TIAM2: variants seen among roughly 807,000 people sequenced by gnomAD.
The protein encoded by TIAM2 is rho guanine nucleotide exchange factor TIAM2.
Under a neutral mutation model 152.9 loss-of-function variants are expected in TIAM2, and 80 were observed. The observed-to-expected ratio is 0.52, with a 90% confidence interval of 0.44 to 0.63. The LOEUF is 0.63. TIAM2 is among the 30% of genes least tolerant of loss of function. TIAM2 has a pLI of 0.00. For missense variants in TIAM2, 1,965 were observed against 2,120.1 expected, an observed-to-expected ratio of 0.93 and a Z score of 1.44; for synonymous variants, 804 against 838.0, an observed-to-expected ratio of 0.96 and a Z score of 0.70.
chr6:155,248,264 C>A (rs1473445387), intron 20 of TIAM2, 85 bp downstream of exon 20: 6 of 1,450,346 alleles, frequency 4.1e-6, no homozygotes, highest in Non-Finnish European at 5.5e-6. Context: ...GACAGCTCAC[C>A]TCTTCCCCGC....
intron 1 of TIAM2, among the ~76,000 whole-genome samples, chr6:155,078,255 A>G (rs989281617): frequency 3.3e-5 from 5 of 152,044 alleles, no homozygotes; most frequent in African/African-American, 1.2e-4. Context: ...CATGTTGCTC[A>G]GGCTGGTCAT....
intron 19 of TIAM2, among the ~76,000 whole-genome samples, chr6:155,247,618 G>A (rs1294995608): frequency 2.0e-5 from 3 of 152,246 alleles, no homozygotes; most frequent in Non-Finnish European, 2.9e-5. Flanking sequence ...GTGAGCCACC[G>A]CACCTGGCCA....
intron 1 of TIAM2, among the ~76,000 whole-genome samples, chr6:155,075,926 A>G (rs1299317400): frequency 6.6e-6 from 1 of 152,192 alleles, no homozygotes; most frequent in Non-Finnish European, 1.5e-5. Flanking sequence ...CATACTATCA[A>G]TACACTGAAA....
rs141796179 is a variant in TIAM2, at chr6:155,195,941, G to C, written c.3064+12441G>C. On this transcript the variant is annotated intron_variant, in intron 14 of 26. Coordinates refer to ENST00000682666, the MANE Select transcript of TIAM2 (RefSeq NM_012454.4). ...AGGAAGTGTGAGGCCAGATCAGGCT[G>C]ACCTCAAAGACCATTGTGAGGTCCA... 3.4e-3 allele frequency among the ~76,000 whole-genome samples: 516 copies of C among 152,364 alleles called. 5 individuals carry two copies. Among genetic ancestry groups the C allele is most frequent in the African/African-American group, 0.012 (487 of 41,588 alleles).
At chr6:155,052,415 T>C (rs1316967022) in intron 1 of TIAM2, among the ~76,000 whole-genome samples, 2 of 152,158 alleles carry the variant, frequency 1.3e-5, no homozygotes, top group African/African-American at 4.8e-5. Flanking sequence ...AACTCTTTGA[T>C]ATCCTGATTA....
Position 155,248,073 on chromosome 6 carries a change from G to A in TIAM2, c.3726G>A (p.Glu1242=), listed in dbSNP as rs1187308914. The A allele has an allele frequency of 6.2e-7, 1 of 1,614,232 alleles. No individual in the cohort carries two copies. ...CCAAGCAGCATTCCTCCACGCTGGA[G>A]TCCTACCTCATCAAGCCGGTTCAGA... is the stretch of plus-strand genomic sequence containing the variant. ...NPTKQHSSTL[E]SYLIKPVQRV... is the part of the protein sequence containing the mutation. Residue 1242 remains glutamate, a synonymous_variant, in exon 20 of 27, where the codon GAG becomes GAA. Transcript: ENST00000682666.
At chr6:155,053,356 C>T (rs1010976011) in intron 1 of TIAM2, among the ~76,000 whole-genome samples, 3 of 151,802 alleles carry the variant, frequency 2.0e-5, no homozygotes, top group Admixed American at 6.6e-5. Context: ...TGTCTCGTCA[C>T]GTTGCCTAGG....
In TIAM2 at chr6:155,257,150, T is replaced by G. The variant is rs1319373114; in HGVS notation, c.*29T>G. On this transcript the variant is annotated 3_prime_UTR_variant, in exon 27 of 27. Coordinates refer to ENST00000682666, the MANE Select transcript of TIAM2 (RefSeq NM_012454.4). ...GATTCAATCCAGATATGGGTTAAAT[T>G]CCTCATTTTACTTTTAAACTGGTGG... 6.3e-7 allele frequency: 1 copy of G among 1,580,808 alleles called. No individual in the cohort carries two copies. The highest frequency in any genetic ancestry group is 1.7e-5 in the Admixed American group (1 of 58,688).
chr6:155,191,472 C>T (rs1055095545), intron 14 of TIAM2, among the ~76,000 whole-genome samples: 2 of 152,134 alleles, frequency 1.3e-5, no homozygotes, highest in Non-Finnish European at 2.9e-5. Context: ...GTGTCTTTCT[C>T]ATCCTGGCCT....
chr6:155,187,225 T>G (rs1781061217), intron 14 of TIAM2, among the ~76,000 whole-genome samples: 1 of 152,152 alleles, frequency 6.6e-6, no homozygotes, highest in Non-Finnish European at 1.5e-5. Flanking sequence ...GCTTAACTTT[T>G]GTCTCTTGAT....
chr6:155,248,403 C>G (rs1032917039), intron 20 of TIAM2, among the ~76,000 whole-genome samples: 2 of 152,232 alleles, frequency 1.3e-5, no homozygotes, highest in African/African-American at 2.4e-5. Flanking sequence ...TAGAAATGAT[C>G]TCATCCGGGT....
chr6:155,257,438 T>TTAA lies in TIAM2; in HGVS notation c.*320_*322dup, dbSNP rs370494163. ...AAAAGTAAGGCTGGGGAAGTCGTGA[T>TTAA]TAATAGTTTTCAAAGGGCCATTTTT... On this transcript the variant is annotated 3_prime_UTR_variant, in exon 27 of 27. Coordinates refer to ENST00000682666, the MANE Select transcript of TIAM2 (RefSeq NM_012454.4). The TTAA allele has an allele frequency of 1.2e-4, 40 of 345,126 alleles. No homozygotes were observed. The highest frequency in any genetic ancestry group is 7.6e-4 in the African/African-American group (35 of 46,076). 21.4% of individuals were successfully genotyped at this position (345,126 alleles called of 1,614,324 possible).
At chr6:155,027,005 A>G (rs1776616662) in intron 1 of TIAM2, among the ~76,000 whole-genome samples, 1 of 152,030 alleles carries the variant, frequency 6.6e-6, no homozygotes, top group Admixed American at 6.6e-5. Context: ...CTGGACTTTG[A>G]ATATTTCTGT....
chr6:155,212,935 C>T (rs1461468222), intron 15 of TIAM2, among the ~76,000 whole-genome samples: 1 of 152,152 alleles, frequency 6.6e-6, no homozygotes, highest in Non-Finnish European at 1.5e-5. Context: ...GGCTGGATCA[C>T]ACATATTACA....
chr6:155,185,444 A>T (rs1278845152), intron 14 of TIAM2, among the ~76,000 whole-genome samples: 1 of 151,360 alleles, frequency 6.6e-6, no homozygotes, highest in Admixed American at 6.6e-5. Flanking sequence ...TTTTCTTTTT[A>T]AATTTTTTTT....
At chr6:155,058,175 A>G (rs958191980) in intron 1 of TIAM2, among the ~76,000 whole-genome samples, 3 of 152,210 alleles carry the variant, frequency 2.0e-5, no homozygotes, top group Admixed American at 2.0e-4. Flanking sequence ...ATTAGAAACC[A>G]AGATCTGGGT....
chr6:154,999,726 G>A (rs1476037831), intron 1 of TIAM2, among the ~76,000 whole-genome samples: 1 of 151,876 alleles, frequency 6.6e-6, no homozygotes, highest in African/African-American at 2.4e-5. Context: ...AGGCTGGAGT[G>A]CTGTGGTGCC....
intron 1 of TIAM2, among the ~76,000 whole-genome samples, chr6:155,028,366 A>ATACTAC (rs1562294262): frequency 8.9e-6 from 1 of 112,310 alleles, no homozygotes; most frequent in Non-Finnish European, 1.8e-5. Flanking sequence ...TACTACATAT[A>ATACTAC]ATATATATAC....
chr6:155,029,255 ATGTGT>A, intron 1 of TIAM2, among the ~76,000 whole-genome samples: 1 of 109,412 alleles, frequency 9.1e-6, no homozygotes, highest in African/African-American at 3.3e-5. Flanking sequence ...TATATGTACT[ATGTGT>A]TATATACACT....
Sources: allele counts gnomAD v4.1 joint callset (sites outside exome capture counted in the v4.1 genomes callset), GRCh38; gene constraint gnomAD v4.1.1; transcripts MANE v1.5; gene names NCBI Gene and HGNC (gene_info 2026-07-23, HGNC 2026-07-21).